Variants in LRWD1 observed in about 807,000 individuals in gnomAD.
The protein encoded by LRWD1 is leucine rich repeats and WD repeat domain containing 1, also known as leucine-rich repeat and WD repeat-containing protein 1.
A neutral mutation model predicts 75.6 loss-of-function variants in LRWD1; 76 were observed. The ratio of observed to expected loss-of-function variants is 1.01; its 90% confidence interval spans 0.84 to 1.22. The LOEUF (loss-of-function observed/expected upper bound fraction) is 1.22. Ranked by LOEUF, LRWD1 falls within the 50% of genes most tolerant of loss-of-function variation. The pLI, the probability that LRWD1 is intolerant of heterozygous loss-of-function variation, is 0.00. For missense variants in LRWD1, 917 were observed against 862.0 expected (o/e 1.06, Z -0.80); for synonymous variants, 487 against 377.0 (o/e 1.29, Z -3.38).
intron 3 of LRWD1, 42 bp downstream of exon 3, chr7:102,466,312 G>T: frequency 1.3e-6 from 2 of 1,498,418 alleles, no homozygotes; most frequent in Non-Finnish European, 1.9e-6. Flanking sequence ...GGAGCTGTGG[G>T]GGCATTGGGA....
Position 102,472,769 on chromosome 7 carries a change from C to T in LRWD1, c.1768C>T (p.Pro590Ser), listed in dbSNP as rs749651123. The change falls in exon 14 of 15, where the codon CCC becomes TCC. Residue 590 changes from proline to serine, a missense_variant. Pro to Ser is a moderately conservative substitution (Grantham distance 74, BLOSUM62 -1). Transcript: ENST00000292616. ...CGTCAGCAACATCCTGAAGCAGCCA[C>T]CCCTGCTGCCGGCAGCCCTGCAGGC... Reference protein sequence around the residue: ...YDVSNILKQPPLLPAALQAPT... With the variant: ...YDVSNILKQPSLLPAALQAPT... The T allele has an allele frequency of 3.1e-6, 5 of 1,613,364 alleles. No individual in the cohort carries two copies. Among genetic ancestry groups the T allele is most frequent in the East Asian group, 4.5e-5 (2 of 44,894 alleles).
chr7:102,472,198 C>T lies in LRWD1; in HGVS notation c.1443-20C>T. On this transcript the variant is annotated intron_variant, in intron 11 of 14. Transcript: ENST00000292616. ...CTATCTGCAAGGAATGGCCAACTAG[C>T]ATCTCGTGCTGCCCCACAGGGTGTG... is the stretch of plus-strand genomic sequence containing the variant. 3.2e-6 allele frequency: 5 copies of T among 1,572,534 alleles called. No homozygotes were observed. Among genetic ancestry groups the T allele is most frequent in the South Asian group, 1.2e-5 (1 of 86,064 alleles).
chr7:102,473,035 TG>T lies in LRWD1; in HGVS notation c.1935del (p.Arg646GlyfsTer16), dbSNP rs774319879. The T allele has an allele frequency of 1.4e-5, 22 of 1,612,736 alleles. No homozygotes were observed. The South Asian group carries it at 2.4e-4, about 18-fold the overall frequency. On this transcript the variant is annotated frameshift_variant, in exon 15 of 15. Transcript: ENST00000292616. LOFTEE classifies it high-confidence loss of function. Reference protein sequence around the residue: ...ALTDSNIVAIWGRM With the variant: ...ALTDSNIVAIXGRM ...GACGGACTCCAACATCGTAGCCATC[TG>T]GGGGAGGATGTAGCCTCACACCATC...
Position 102,468,314 on chromosome 7 carries a change from A to G in LRWD1, c.856A>G (p.Asn286Asp). Residue 286 changes from asparagine to aspartate, a missense_variant, in exon 7 of 15, where the codon AAC (asparagine) becomes GAC (aspartate). By Grantham distance (23) the Asn-to-Asp change is conservative (BLOSUM62 1). Transcript: ENST00000292616. ...LHFLQCHSKNNSPQDLETQLW... is the reference protein window; with the variant it reads ...LHFLQCHSKNDSPQDLETQLW... ...CTTCCTGCAGTGCCACAGCAAGAAC[A>G]ACAGCCCCCAGGACCTCGAGACCCA... 1 of 1,612,784 alleles carries G rather than the reference A, an allele frequency of 6.2e-7. No individual in the cohort carries two copies. Among genetic ancestry groups the G allele is most frequent in the Non-Finnish European group, 8.5e-7 (1 of 1,179,608 alleles).
chr7:102,471,478 C>T (rs374409015), intron 11 of LRWD1: 3,733 of 154,682 alleles, frequency 0.024, 73 homozygotes, highest in Non-Finnish European at 0.036. Flanking sequence ...GTGGTGGCGG[C>T]GGTAGTTATG....
At chr7:102,472,877 C>A in intron 14 of LRWD1, 32 bp from the exon 15 acceptor site, 4 of 1,611,574 alleles carry the variant, frequency 2.5e-6, no homozygotes, top group Non-Finnish European at 3.4e-6. Flanking sequence ...TCAGCAGGAG[C>A]CCAGCCCAGC....
chr7:102,467,171 G>GGTGTGTGTGTGTGTGTGTGTGTGTGTGT (rs1209487514), intron 3 of LRWD1, among the ~76,000 whole-genome samples, 168 bp from the exon 4 acceptor site: 1 of 99,116 alleles, frequency 1.0e-5, no homozygotes, highest in Non-Finnish European at 1.9e-5. Context: ...GTGTGTGTGG[G>GGTGTGTGTGTGTGTGTGTGTGTGTGTGT]GTGTGTGTGT....
At chr7:102,467,279 A>AG in intron 3 of LRWD1, 60 bp from the exon 4 acceptor site, 1 of 1,534,004 alleles carries the variant, frequency 6.5e-7, no homozygotes, top group South Asian at 1.2e-5. Flanking sequence ...CCTGAGATGG[A>AG]GGGCTGGGTC....
At chr7:102,470,671 C>T (rs993455785) in intron 11 of LRWD1, 4 of 152,326 alleles carry the variant, frequency 2.6e-5, no homozygotes, top group African/African-American at 9.6e-5. Context: ...ACCATGTGGC[C>T]ACAGCTGGGT....
In LRWD1 at chr7:102,467,386, G is replaced by C. The variant is rs1157150803; in HGVS notation, c.480G>C (p.Glu160Asp). The C allele has an allele frequency of 1.9e-6, 3 of 1,613,690 alleles. No homozygotes were observed. The highest frequency in any genetic ancestry group is 2.2e-5 in the East Asian group (1 of 44,856). The change falls in exon 4 of 15, where the codon GAG becomes GAC. Residue 160 changes from glutamate to aspartate, a missense_variant. Glu to Asp is a conservative substitution (Grantham distance 45). Transcript: ENST00000292616. ...EKFMATLGPE[E>D]EAEKAQADFV... ...TCATGGCCACACTGGGTCCTGAAGA[G>C]GAGGCTGAGAAGGCCCAGGCGGACT...
At position 102,467,169 on chromosome 7, in the gene LRWD1, G is replaced by GTAT. The variant is rs773521223; in HGVS notation, c.433-170_433-169insTAT. Among the ~76,000 whole-genome samples the GTAT allele has an allele frequency of 1.1e-3, 22 of 19,854 alleles. 2 individuals carry two copies. The highest frequency in any genetic ancestry group is 2.8e-3 in the African/African-American group (19 of 6,700). 13.0% of individuals were successfully genotyped at this position (19,854 alleles called of 152,430 possible). On this transcript the variant is annotated intron_variant, in intron 3 of 14. Coordinates refer to ENST00000292616, the MANE Select transcript of LRWD1 (RefSeq NM_152892.3). ...CCTGGGTTGTTGCTGGGGTGTGTGT[G>GTAT]GGGTGTGTGTGTGTGTGTGTGTGTG...
At chr7:102,466,667 C>T (rs1797987665) in intron 3 of LRWD1, among the ~76,000 whole-genome samples, 1 of 151,784 alleles carries the variant, frequency 6.6e-6, no homozygotes, top group African/African-American at 2.4e-5. Flanking sequence ...ATCTGCCCGC[C>T]TTGGCCTCCC....
chr7:102,470,192 CTG>C (rs577727344), intron 11 of LRWD1: 531 of 352,142 alleles, frequency 1.5e-3, no homozygotes, highest in Non-Finnish European at 2.2e-3. Context: ...TGATGGTCCT[CTG>C]TGCTGGCATA....
At position 102,468,553 on chromosome 7, in the gene LRWD1, G is replaced by A; in HGVS notation, c.920-1G>A. 6.4e-7 allele frequency: 1 copy of A among 1,566,220 alleles called. No individual in the cohort carries two copies. The highest frequency in any genetic ancestry group is 8.7e-7 in the Non-Finnish European group (1 of 1,155,242). ...CCGACCTCTCAAAACCGGGCACTCA[G>A]GGGCCACATCCCAGACCGTGGCCAC... On this transcript the variant is annotated splice_acceptor_variant, in intron 7 of 14. Coordinates refer to ENST00000292616, the MANE Select transcript of LRWD1 (RefSeq NM_152892.3). LOFTEE classifies it high-confidence loss of function.
In LRWD1 at chr7:102,473,119, G is replaced by C. The variant is rs567393178; in HGVS notation, c.*70G>C. The C allele has an allele frequency of 4.7e-6, 7 of 1,474,166 alleles. No individual in the cohort carries two copies. The highest frequency in any genetic ancestry group is 1.3e-5 in the South Asian group (1 of 77,820). The allele number at this position is 1,474,166 out of a possible 1,614,324, so 91.3% of individuals were successfully genotyped here. A position where few individuals can be genotyped will look rare whatever the true frequency, so the allele number is the denominator to read the frequency against. On this transcript the variant is annotated 3_prime_UTR_variant, in exon 15 of 15. Transcript: ENST00000292616. The stretch of plus-strand genomic sequence containing the variant: ...TTCAGCTTTGGGCCGATGGGGGTGG[G>C]GGGGGGTCTTTCAGTGAATATTTTT...
chr7:102,472,524 C>T lies in LRWD1; in HGVS notation c.1605C>T (p.Ser535=), dbSNP rs756549538. 2 of 1,570,806 alleles carry T rather than the reference C, an allele frequency of 1.3e-6. No homozygotes were observed. The highest frequency in any genetic ancestry group is 1.7e-6 in the Non-Finnish European group (2 of 1,159,788). Reference sequence around the variant, plus strand: ...GGCAGACGTGGGGGGGCCGGGGCAGCCAGTCCACGGTGGCAGTGGTGGTCC... The same window carrying T: ...GGCAGACGTGGGGGGGCCGGGGCAGTCAGTCCACGGTGGCAGTGGTGGTCC... ...SWRQTWGGRG[S]QSTVAVVVLA... The change falls in exon 13 of 15, where the codon AGC becomes AGT. Residue 535 remains serine (S), a synonymous_variant. Coordinates refer to ENST00000292616, the MANE Select transcript of LRWD1 (RefSeq NM_152892.3).
intron 8 of LRWD1, 56 bp from the exon 9 acceptor site, chr7:102,468,799 G>C: frequency 6.3e-7 from 1 of 1,586,166 alleles, no homozygotes. Context: ...CGGGCTACCC[G>C]CGTGTTCACA....
chr7:102,467,576 G>C lies in LRWD1; in HGVS notation c.573+97G>C, dbSNP rs1364068819. 1.4e-5 allele frequency: 21 copies of C among 1,555,408 alleles called. No individual in the cohort carries two copies. The Admixed American group carries it at 2.2e-4, about 16-fold the overall frequency. Reference sequence around the variant, plus strand: ...TGAAGGGCTGAGGGGCTGTGGGAGTGGGGTGAGTCAGGGTGGGCAGCCCTG... The same window carrying C: ...TGAAGGGCTGAGGGGCTGTGGGAGTCGGGTGAGTCAGGGTGGGCAGCCCTG... On this transcript the variant is annotated intron_variant, in intron 4 of 14. Coordinates refer to ENST00000292616, the MANE Select transcript of LRWD1 (RefSeq NM_152892.3).
rs773072567 is a variant in LRWD1, at chr7:102,466,139, C to A, written c.316-15C>A. 2 of 1,613,288 alleles carry A rather than the reference C, an allele frequency of 1.2e-6. No individual in the cohort carries two copies. The highest frequency in any genetic ancestry group is 2.7e-5 in the African/African-American group (2 of 74,924). Reference sequence around the variant, plus strand: ...GCATCTCCTGAGCCACTGCTCTTCACCCTCTCTTCCCCAGGTCAATGACAA... The same window carrying A: ...GCATCTCCTGAGCCACTGCTCTTCAACCTCTCTTCCCCAGGTCAATGACAA... On this transcript the variant is annotated splice_polypyrimidine_tract_variant and intron_variant, in intron 2 of 14. Transcript: ENST00000292616.
Sources: allele counts gnomAD v4.1 joint callset (sites outside exome capture counted in the v4.1 genomes callset), GRCh38; gene constraint gnomAD v4.1.1; transcripts MANE v1.5; gene names NCBI Gene and HGNC (gene_info 2026-07-23, HGNC 2026-07-21).